Variants in TSHZ2 observed in about 807,000 individuals in gnomAD.
The protein encoded by TSHZ2 is teashirt zinc finger homeobox 2.
TSHZ2 carries 21 observed loss-of-function variants against 74.4 expected under a neutral mutation model. The ratio of observed to expected loss-of-function variants is 0.28; its 90% CI spans 0.20 to 0.41. TSHZ2 has a LOEUF of 0.41. Among genes scored for constraint, TSHZ2 ranks in the 10% least tolerant of loss-of-function variants. The pLI is 1.00. For missense variants in TSHZ2, 1,244 were observed against 1,293.5 expected (o/e 0.96, Z 0.59); for synonymous variants, 540 against 515.3 (o/e 1.05, Z -0.65).
chr20:53,070,289 G>T (rs1368574441), intron 1 of TSHZ2, among the ~76,000 whole-genome samples: 1 of 152,154 alleles, frequency 6.6e-6, no homozygotes, highest in African/African-American at 2.4e-5. Flanking sequence ...AGGACTGAGA[G>T]AATCCACAAG....
At chr20:53,345,219 G>A (rs1980389602) in intron 2 of TSHZ2, among the ~76,000 whole-genome samples, 3 of 152,186 alleles carry the variant, frequency 2.0e-5, no homozygotes, top group Non-Finnish European at 4.4e-5. Context: ...GGGCAGAGAG[G>A]CTGGTTGGCA....
intron 2 of TSHZ2, among the ~76,000 whole-genome samples, chr20:53,324,217 G>C (rs569685793): frequency 6.6e-6 from 1 of 152,254 alleles, no homozygotes; most frequent in African/African-American, 2.4e-5. Flanking sequence ...AGATATATGA[G>C]TGAGGTTTTT....
chr20:53,101,586 A>G (rs1015138603), intron 1 of TSHZ2, among the ~76,000 whole-genome samples: 6 of 152,212 alleles, frequency 3.9e-5, no homozygotes, highest in Non-Finnish European at 8.8e-5. Flanking sequence ...GTTTGTAGAA[A>G]CCACAGCCCC....
intron 2 of TSHZ2, among the ~76,000 whole-genome samples, chr20:53,328,788 T>A (rs1275555107): frequency 2.0e-5 from 3 of 152,240 alleles, no homozygotes; most frequent in African/African-American, 7.2e-5. Flanking sequence ...AAGCTTTTTT[T>A]ATTTATTTCC....
chr20:53,079,204 G>A (rs190098305), intron 1 of TSHZ2, among the ~76,000 whole-genome samples: 1 of 152,196 alleles, frequency 6.6e-6, no homozygotes, highest in Non-Finnish European at 1.5e-5. Context: ...TTTAGTAGAA[G>A]TCAGTAAGGT....
intron 1 of TSHZ2, among the ~76,000 whole-genome samples, chr20:53,230,658 T>G (rs142441988): frequency 0.028 from 4,294 of 152,278 alleles, 93 homozygotes; most frequent in Middle Eastern, 0.078. Context: ...TTTGGGAGGC[T>G]GAGGCAGGTG....
intron 2 of TSHZ2, among the ~76,000 whole-genome samples, chr20:53,340,292 C>A (rs1980142527): frequency 6.9e-6 from 1 of 145,240 alleles, no homozygotes; most frequent in African/African-American, 2.5e-5. Context: ...ACGTCATTCT[C>A]CTGCCTCAGC....
chr20:52,998,655 C>A (rs1197313954), intron 1 of TSHZ2, among the ~76,000 whole-genome samples: 1 of 152,170 alleles, frequency 6.6e-6, no homozygotes, highest in African/African-American at 2.4e-5. Flanking sequence ...TTCTATGATT[C>A]TTGGTTTAGT....
At chr20:53,433,456 G>T (rs544973193) in intron 2 of TSHZ2, among the ~76,000 whole-genome samples, 1 of 151,726 alleles carries the variant, frequency 6.6e-6, no homozygotes, top group African/African-American at 2.4e-5. Flanking sequence ...GTGGAGGATC[G>T]CTTGAGCCTA....
chr20:53,445,386 C>T (rs1032919900), intron 2 of TSHZ2, among the ~76,000 whole-genome samples: 1 of 152,194 alleles, frequency 6.6e-6, no homozygotes, highest in Non-Finnish European at 1.5e-5. Context: ...TTTACAATCA[C>T]TAACGAATCT....
intron 1 of TSHZ2, among the ~76,000 whole-genome samples, chr20:53,130,244 A>G (rs1015304097): frequency 5.6e-5 from 7 of 124,906 alleles, no homozygotes; most frequent in Non-Finnish European, 1.2e-4. Flanking sequence ...AAAAAAAAAT[A>G]GAAAGAAAAG....
At chr20:53,004,859 G>A (rs1455947353) in intron 1 of TSHZ2, among the ~76,000 whole-genome samples, 1 of 152,162 alleles carries the variant, frequency 6.6e-6, no homozygotes, top group African/African-American at 2.4e-5. Flanking sequence ...TTCTGATTTA[G>A]TGGAGGTAGA....
intron 2 of TSHZ2, among the ~76,000 whole-genome samples, chr20:53,478,430 C>T (rs1306293115): frequency 6.7e-6 from 1 of 148,710 alleles, no homozygotes; most frequent in Non-Finnish European, 1.5e-5. Context: ...CCAAACACTG[C>T]ATATTCTCAC....
At chr20:53,011,008 CA>C (rs1982830506) in intron 1 of TSHZ2, among the ~76,000 whole-genome samples, 1 of 151,992 alleles carries the variant, frequency 6.6e-6, no homozygotes, top group Non-Finnish European at 1.5e-5. Context: ...GCCATTTAAA[CA>C]GAAATACTTG....
chr20:53,367,580 C>CT (rs920238287), intron 2 of TSHZ2, among the ~76,000 whole-genome samples: 6 of 151,506 alleles, frequency 4.0e-5, no homozygotes, highest in Admixed American at 2.0e-4. Context: ...TTTTCTTATT[C>CT]TTTTTTTTCT....
intron 1 of TSHZ2, among the ~76,000 whole-genome samples, chr20:52,987,336 T>G (rs1321234304): frequency 6.6e-6 from 1 of 152,208 alleles, no homozygotes; most frequent in Non-Finnish European, 1.5e-5. Flanking sequence ...AGGAGGGGAA[T>G]GAGGCCCATG....
At position 53,192,578 on chromosome 20, in the gene TSHZ2, A is replaced by C. The variant is rs202030609; in HGVS notation, c.41-60921A>C. Reference sequence around the variant, plus strand: ...TAGTGTCTGGAAAAAAAAAAAAAAAACCCACAACAACTGGTCTATGAATTG... The same window carrying C: ...TAGTGTCTGGAAAAAAAAAAAAAAACCCCACAACAACTGGTCTATGAATTG... On this transcript the variant is annotated intron_variant, in intron 1 of 2. Coordinates refer to ENST00000371497, the MANE Select transcript of TSHZ2 (RefSeq NM_173485.6). Among the ~76,000 whole-genome samples the C allele has an allele frequency of 2.8e-3, 422 of 150,444 alleles. 3 individuals are homozygous for C. Among genetic ancestry groups the C allele is most frequent in the African/African-American group, 9.4e-3 (386 of 41,044 alleles).
intron 1 of TSHZ2, among the ~76,000 whole-genome samples, chr20:52,976,935 T>A (rs563809872): frequency 3.3e-5 from 5 of 152,330 alleles, no homozygotes; most frequent in African/African-American, 1.2e-4. Flanking sequence ...TTTGTTTATT[T>A]AATATGGAGA....
intron 2 of TSHZ2, among the ~76,000 whole-genome samples, chr20:53,433,548 A>C (rs972094430): frequency 1.3e-5 from 2 of 149,054 alleles, no homozygotes; most frequent in Non-Finnish European, 3.0e-5. Context: ...CTATAAAAAG[A>C]AGCAGAACAA....
Sources: gnomAD v4.1 joint callset for allele counts (sites outside exome capture counted in the v4.1 genomes callset) on GRCh38, gnomAD v4.1.1 for gene constraint, MANE v1.5 for transcripts, NCBI Gene and HGNC (gene_info 2026-07-23, HGNC 2026-07-21) for gene names.